The following HMX1 variants were observed in gnomAD, a reference collection of about 807,000 sequenced individuals.
HMX1 encodes homeobox protein HMX1.
In HMX1, 8 loss-of-function variants were observed where a neutral mutation model predicts 8.9. The observed-to-expected ratio is 0.90, with a 90% CI of 0.53 to 1.63. HMX1 has a LOEUF of 1.63. Ranked by LOEUF, HMX1 falls within the 40% of genes most tolerant of loss-of-function variation. The pLI, the probability that HMX1 is intolerant of heterozygous loss-of-function variation, is 0.00. For missense variants in HMX1, 621 were observed against 558.5 expected, an observed-to-expected ratio of 1.11 and a Z score of -1.13; for synonymous variants, 311 against 283.4, an observed-to-expected ratio of 1.10 and a Z score of -0.98.
intron 1 of HMX1, among the ~76,000 whole-genome samples, chr4:8,869,015 GA>G (rs1378931732): frequency 6.6e-6 from 1 of 152,170 alleles, no homozygotes; most frequent in Non-Finnish European, 1.5e-5. Context: ...CTGTAGCCCT[GA>G]CCCAGTGTCC....
intron 1 of HMX1, among the ~76,000 whole-genome samples, chr4:8,860,427 G>A (rs1170099975): frequency 6.6e-6 from 1 of 152,218 alleles, no homozygotes. Context: ...CTTCACCCCC[G>A]CTACGATGAC....
chr4:8,867,209 G>A lies in HMX1; in HGVS notation c.*484C>T, dbSNP rs1055635214. On this transcript the variant is annotated 3_prime_UTR_variant, in exon 2 of 2. Transcript: ENST00000400677. Reference sequence around the variant, plus strand: ...GGGTCCTTTCTCCACCAGCACCCGCGAGAGGGGTAGCACAGCCCTCCGGGC... The same window carrying A: ...GGGTCCTTTCTCCACCAGCACCCGCAAGAGGGGTAGCACAGCCCTCCGGGC... 6 of 985,676 alleles carry A rather than the reference G, an allele frequency of 6.1e-6. No homozygotes were observed. The Admixed American group carries it at 1.8e-4, about 30-fold the overall frequency. 61.1% of individuals were successfully genotyped at this position (985,676 alleles called of 1,614,324 possible).
chr4:8,867,452 A>G lies in HMX1; in HGVS notation c.*241T>C, dbSNP rs1722040260. 1 of 1,123,202 alleles carries G rather than the reference A, an allele frequency of 8.9e-7. No homozygotes were observed. Among genetic ancestry groups the G allele is most frequent in the South Asian group, 4.4e-5 (1 of 22,542 alleles). 69.6% of individuals were successfully genotyped at this position (1,123,202 alleles called of 1,614,324 possible). A position where few individuals can be genotyped will look rare whatever the true frequency, so the allele number is the denominator to read the frequency against. ...GGGCTGCGCAGCCCAGAGTCTCTGC[A>G]TGGCCCCCTGTTCGAGTGGGGATCC... On this transcript the variant is annotated 3_prime_UTR_variant, in exon 2 of 2. Coordinates refer to ENST00000400677, the MANE Select transcript of HMX1 (RefSeq NM_018942.3).
intron 1 of HMX1, chr4:8,858,578 C>G (rs1182041828): frequency 6.6e-6 from 1 of 152,198 alleles, no homozygotes; most frequent in Non-Finnish European, 1.5e-5. Context: ...CTTGTGCAGT[C>G]CCCTCGCCCG....
Position 8,847,012 on chromosome 4 carries a change from C to T in HMX1, c.395-688G>A, listed in dbSNP as rs555713934. On this transcript the variant is annotated intron_variant, in intron 1 of 1. Transcript: ENST00000506970. This position sits in a 1 kb window ranked among gnomAD's most constrained non-coding sequence, Gnocchi z 6.0. Reference sequence around the variant, plus strand: ...CTGTGTGCAAAAGTGACATGGGACACGGAAATGACTATGACTCAGCTCCTG... The same window carrying T: ...CTGTGTGCAAAAGTGACATGGGACATGGAAATGACTATGACTCAGCTCCTG... Among the ~76,000 whole-genome samples the T allele has an allele frequency of 4.6e-5, 7 of 152,338 alleles. No homozygotes were observed. Among genetic ancestry groups the T allele is most frequent in the African/African-American group, 9.6e-5 (4 of 41,578 alleles).
In HMX1 at chr4:8,867,840, G is replaced by T; in HGVS notation, c.900C>A (p.Ala300=). The T allele has an allele frequency of 8.1e-7, 1 of 1,235,692 alleles. No individual in the cohort carries two copies. Among genetic ancestry groups the T allele is most frequent in the Non-Finnish European group, 1.0e-6 (1 of 991,446 alleles). 76.5% of individuals were successfully genotyped at this position (1,235,692 alleles called of 1,614,324 possible). ...PPAAAAAGPP[A]TLPFPLAPAA... ...CGGGCGCCAGCGGGAAGGGCAGGGT[G>T]GCCGGGGGCCCAGCGGCGGCTGCGG... The change falls in exon 2 of 2, where the codon GCC becomes GCA. Residue 300 remains alanine (A), a synonymous_variant. Transcript: ENST00000400677.
At chr4:8,846,186 T>C in exon 2 of HMX1, 1 of 1,342,700 alleles carries the variant, frequency 7.4e-7, no homozygotes, top group Admixed American at 2.0e-5. Context: ...CACCGTGTTG[T>C]GGCTGCACCA....
intron 1 of HMX1, among the ~76,000 whole-genome samples, chr4:8,852,088 C>T (rs1333301673): frequency 6.6e-6 from 1 of 152,250 alleles, no homozygotes; most frequent in Non-Finnish European, 1.5e-5. Context: ...TTCCAAGCCC[C>T]GGCTCTGGCT....
At position 8,847,598 on chromosome 4, in the gene HMX1, C is replaced by T. The variant is rs1398893697; in HGVS notation, c.395-1274G>A. Among the ~76,000 whole-genome samples the T allele has an allele frequency of 5.9e-5, 9 of 152,210 alleles. No homozygotes were observed. The highest frequency in any genetic ancestry group is 1.2e-4 in the Non-Finnish European group (8 of 68,042). ...CGTGCAAACCACCCCCTTCTGTCCC[C>T]ACAGAGATGCTTCTGCTCAGGGCCA... On this transcript the variant is annotated intron_variant, in intron 1 of 1. Coordinates refer to the HMX1 transcript ENST00000506970. This position sits in a 1 kb window ranked among gnomAD's most constrained non-coding sequence, Gnocchi z 6.0.
intron 1 of HMX1, among the ~76,000 whole-genome samples, chr4:8,860,275 G>C (rs1011210624): frequency 6.6e-6 from 1 of 152,214 alleles, no homozygotes; most frequent in Non-Finnish European, 1.5e-5. Context: ...GCAGGAGTCC[G>C]GGCACAGGCT....
rs1367900322 is a variant in HMX1 at position 8,868,470 on chromosome 4, G to T, written c.395-125C>A. 5 of 743,508 alleles carry T rather than the reference G, an allele frequency of 6.7e-6. No individual in the cohort carries two copies. The highest frequency in any genetic ancestry group is 9.3e-6 in the Non-Finnish European group (5 of 534,786). The allele number at this position is 743,508 out of a possible 1,614,324, so 46.1% of individuals were successfully genotyped here. ...CAAGCAGGAAGACCTTCCAGCACAGGGCTGGGCACCCAGCAGCTCTGGGGA... is the reference window on the plus strand; with the variant it reads ...CAAGCAGGAAGACCTTCCAGCACAGTGCTGGGCACCCAGCAGCTCTGGGGA... On this transcript the variant is annotated intron_variant, in intron 1 of 1. Transcript: ENST00000400677. The surrounding 1 kb of genome is among the most constrained non-coding windows in gnomAD (Gnocchi z 4.6).
chr4:8,846,836 C>T (rs185674347), intron 1 of HMX1, among the ~76,000 whole-genome samples: 1 of 152,332 alleles, frequency 6.6e-6, no homozygotes, highest in African/African-American at 2.4e-5. Context: ...ATGTCTCCTC[C>T]TACAGGCAGT....
In HMX1 at chr4:8,871,366, GGCCCGCGCCTCCCCGCCGGGCCCGGT is replaced by G; in HGVS notation, c.223_248del (p.Thr75ProfsTer48). On this transcript the variant is annotated frameshift_variant, in exon 1 of 2. Coordinates refer to ENST00000400677, the MANE Select transcript of HMX1 (RefSeq NM_018942.3). LOFTEE classifies it high-confidence loss of function. This position sits in a 1 kb window ranked among gnomAD's most constrained non-coding sequence, Gnocchi z 4.8. ...GCGCGCCCGGCCCGAGCAGCGCACG[GGCCCGCGCCTCCCCGCCGGGCCCGGT>G]GCCCGCGAGCAACTGTCGCCGCCGC... The G allele has an allele frequency of 8.0e-7, 1 of 1,244,102 alleles. No individual in the cohort carries two copies. Among genetic ancestry groups the G allele is most frequent in the Non-Finnish European group, 1.0e-6 (1 of 993,670 alleles). 77.1% of individuals were successfully genotyped at this position (1,244,102 alleles called of 1,614,324 possible). A position where few individuals can be genotyped will look rare whatever the true frequency, so the allele number is the denominator to read the frequency against.
Position 8,867,074 on chromosome 4 carries a change from T to C in HMX1, c.*619A>G, listed in dbSNP as rs1722020847. 2.0e-6 allele frequency: 2 copies of C among 985,308 alleles called. No homozygotes were observed. The highest frequency in any genetic ancestry group is 9.4e-5 in the South Asian group (2 of 21,280). The allele number at this position is 985,308 out of a possible 1,614,324, so 61.0% of individuals were successfully genotyped here. A position where few individuals can be genotyped will look rare whatever the true frequency, so the allele number is the denominator to read the frequency against. Reference sequence around the variant, plus strand: ...CCAGAAAATGTCCCTTTTTATTCCATACGCAAATAAGTAGATTCATTTAAA... The same window carrying C: ...CCAGAAAATGTCCCTTTTTATTCCACACGCAAATAAGTAGATTCATTTAAA... On this transcript the variant is annotated 3_prime_UTR_variant, in exon 2 of 2. Transcript: ENST00000400677.
At position 8,868,154 on chromosome 4, in the gene HMX1, CGCCGCCGCGTGTCTCCCCA is replaced by C. The variant is rs1722085154; in HGVS notation, c.567_585del (p.Gly190LeufsTer29). The stretch of plus-strand genomic sequence containing the variant: ...TTCTTTCGGCCGCCGCCCACGCCAA[CGCCGCCGCGTGTCTCCCCA>C]GCCGCCGCAGGGACCTCGGCCAGCT... On this transcript the variant is annotated frameshift_variant, in exon 2 of 2. Transcript: ENST00000400677. LOFTEE classifies it low-confidence loss of function (END_TRUNC). This position sits in a 1 kb window ranked among gnomAD's most constrained non-coding sequence, Gnocchi z 4.6. 1 of 1,504,728 alleles carries C rather than the reference CGCCGCCGCGTGTCTCCCCA, an allele frequency of 6.6e-7. No individual in the cohort carries two copies. The highest frequency in any genetic ancestry group is 8.8e-7 in the Non-Finnish European group (1 of 1,132,332). 93.2% of individuals were successfully genotyped at this position (1,504,728 alleles called of 1,614,324 possible). A position where few individuals can be genotyped will look rare whatever the true frequency, so the allele number is the denominator to read the frequency against.
At position 8,867,864 on chromosome 4, in the gene HMX1, G is replaced by T; in HGVS notation, c.876C>A (p.Ala292=). The T allele has an allele frequency of 1.6e-6, 2 of 1,248,748 alleles. No individual in the cohort carries two copies. Among genetic ancestry groups the T allele is most frequent in the Non-Finnish European group, 1.0e-6 (1 of 998,344 alleles). The allele number at this position is 1,248,748 out of a possible 1,614,324, so 77.4% of individuals were successfully genotyped here. A position where few individuals can be genotyped will look rare whatever the true frequency, so the allele number is the denominator to read the frequency against. The stretch of plus-strand genomic sequence containing the variant: ...TGGCCGGGGGCCCAGCGGCGGCTGC[G>T]GCCGGGGGGCTTTCGTGGTAGAGCA... ...VPVLYHESPP[A]AAAAGPPATL... The change falls in exon 2 of 2, where the codon GCC becomes GCA. Residue 292 remains alanine (A), a synonymous_variant. Transcript: ENST00000400677.
At chr4:8,852,363 C>T (rs996809370) in intron 1 of HMX1, among the ~76,000 whole-genome samples, 10 of 152,208 alleles carry the variant, frequency 6.6e-5, no homozygotes, top group Admixed American at 1.3e-4. Flanking sequence ...GCAGCTGTAA[C>T]GACCTTGGCT....
At position 8,849,659 on chromosome 4, in the gene HMX1, C is replaced by T. The variant is rs908260898; in HGVS notation, c.395-3335G>A. On this transcript the variant is annotated intron_variant, in intron 1 of 1. Transcript: ENST00000506970. This position sits in a 1 kb window ranked among gnomAD's most constrained non-coding sequence, Gnocchi z 6.6. ...CAGGGCAGCTCTCCTGGGGTCCCCC[C>T]GGCCCCAGCGTGCGGTCTTCAACTG... Among the ~76,000 whole-genome samples the T allele has an allele frequency of 7.9e-5, 12 of 152,338 alleles. No individual in the cohort carries two copies. The highest frequency in any genetic ancestry group is 2.4e-4 in the African/African-American group (10 of 41,590).
rs1296746662 is a variant in HMX1, at chr4:8,847,682, T to G, written c.395-1358A>C. Among the ~76,000 whole-genome samples the G allele has an allele frequency of 6.6e-6, 1 of 152,222 alleles. No homozygotes were observed. Reference sequence around the variant, plus strand: ...CCCGTGGAGCTAGCAGTGCCCAGATTTGAACCTGGAGCTGTGGTCTTTCCA... The same window carrying G: ...CCCGTGGAGCTAGCAGTGCCCAGATGTGAACCTGGAGCTGTGGTCTTTCCA... On this transcript the variant is annotated intron_variant, in intron 1 of 1. Transcript: ENST00000506970. This position sits in a 1 kb window ranked among gnomAD's most constrained non-coding sequence, Gnocchi z 6.0.
Sources: allele counts gnomAD v4.1 joint callset (sites outside exome capture counted in the v4.1 genomes callset), GRCh38; gene constraint gnomAD v4.1.1; non-coding constraint Gnocchi (gnomAD v3.1); transcripts MANE v1.5; gene names NCBI Gene and HGNC (gene_info 2026-07-23, HGNC 2026-07-21).